ENTREP2: variants seen among roughly 807,000 people sequenced by gnomAD.
ENTREP2 encodes the protein protein ENTREP2.
chr15:29,530,489 C>T, the ENTREP2 span, among the ~76,000 whole-genome samples: 2 of 152,156 alleles, frequency 1.3e-5, no homozygotes, highest in Admixed American at 6.5e-5. Context: ...CACTAAGGTG[C>T]CCGGCACTGC....
the ENTREP2 span, among the ~76,000 whole-genome samples, chr15:29,632,731 A>G: frequency 1.3e-5 from 2 of 152,214 alleles, no homozygotes; most frequent in African/African-American, 4.8e-5. Flanking sequence ...GGTTGCAGTG[A>G]GCCGAGATCC....
the ENTREP2 span, among the ~76,000 whole-genome samples, chr15:29,440,418 T>A: frequency 6.6e-6 from 1 of 152,210 alleles, no homozygotes. Flanking sequence ...CATAGAATAG[T>A]ATGCATTGAT....
At chr15:29,344,328 A>G in the ENTREP2 span, among the ~76,000 whole-genome samples, 1 of 152,228 alleles carries the variant, frequency 6.6e-6, no homozygotes, top group Non-Finnish European at 1.5e-5. Context: ...ATGATGCATA[A>G]CAAGAGCTTC....
At chr15:29,464,756 CACA>C in the ENTREP2 span, among the ~76,000 whole-genome samples, 4 of 152,134 alleles carry the variant, frequency 2.6e-5, no homozygotes, top group African/African-American at 9.6e-5. Flanking sequence ...CCGCTCATGG[CACA>C]ACCTCGGAAA....
the ENTREP2 span, among the ~76,000 whole-genome samples, chr15:29,334,934 C>G: frequency 1.3e-5 from 2 of 152,184 alleles, no homozygotes; most frequent in East Asian, 3.9e-4. Flanking sequence ...TCTATCCCAG[C>G]CAGGCATGTG....
At chr15:29,151,759 A>G in the ENTREP2 span, 1 of 1,551,904 alleles carries the variant, frequency 6.4e-7, no homozygotes, top group Non-Finnish European at 8.7e-7. Flanking sequence ...GGAGGAGACC[A>G]TCTGCATACA....
the ENTREP2 span, among the ~76,000 whole-genome samples, chr15:29,466,773 C>T: frequency 0.025 from 3,030 of 121,852 alleles, 22 homozygotes; most frequent in Non-Finnish European, 0.031. Context: ...CGCTGCAGCC[C>T]CCAGGAGAGG....
the ENTREP2 span, among the ~76,000 whole-genome samples, chr15:29,364,032 C>A: frequency 1.1e-4 from 17 of 152,192 alleles, no homozygotes; most frequent in South Asian, 3.3e-3. Context: ...AGGATAAATG[C>A]AAAACCCTGG....
chr15:29,455,765 G>A, the ENTREP2 span, among the ~76,000 whole-genome samples: 4,529 of 152,272 alleles, frequency 0.03, 244 homozygotes, highest in African/African-American at 0.1. Flanking sequence ...ATTTACAGCT[G>A]CTCCCCACTG....
chr15:29,407,950 GATTAC>G, the ENTREP2 span, among the ~76,000 whole-genome samples: 1 of 152,094 alleles, frequency 6.6e-6, no homozygotes, highest in Non-Finnish European at 1.5e-5. Flanking sequence ...AAAGTGCTGG[GATTAC>G]AGGCCTGAGC....
At chr15:29,556,578 T>A in the ENTREP2 span, among the ~76,000 whole-genome samples, 2 of 152,140 alleles carry the variant, frequency 1.3e-5, no homozygotes, top group Admixed American at 6.5e-5. Context: ...CCAAGAATAA[T>A]AAAAACAGAT....
the ENTREP2 span, among the ~76,000 whole-genome samples, chr15:29,455,708 G>A: frequency 2.0e-5 from 3 of 152,280 alleles, no homozygotes; most frequent in Non-Finnish European, 2.9e-5. Flanking sequence ...GAATCAGGCC[G>A]CACTGCAGGA....
the ENTREP2 span, among the ~76,000 whole-genome samples, chr15:29,428,304 C>A: frequency 1.3e-5 from 2 of 152,242 alleles, no homozygotes; most frequent in South Asian, 4.1e-4. Context: ...ACCGCTGCCC[C>A]ATGGGTTCAA....
chr15:29,149,515 G>A, the ENTREP2 span, among the ~76,000 whole-genome samples: 126 of 152,120 alleles, frequency 8.3e-4, no homozygotes, highest in Non-Finnish European at 1.5e-3. Flanking sequence ...CTCAAGCCTC[G>A]GCCCACATGG....
the ENTREP2 span, among the ~76,000 whole-genome samples, chr15:29,310,006 T>G: frequency 6.6e-5 from 10 of 152,170 alleles, no homozygotes; most frequent in Admixed American, 5.2e-4. Flanking sequence ...CCATGTGACG[T>G]GGACTGAAGG....
chr15:29,347,965 G>C, the ENTREP2 span, among the ~76,000 whole-genome samples: 1 of 152,190 alleles, frequency 6.6e-6, no homozygotes, highest in Non-Finnish European at 1.5e-5. Flanking sequence ...AGGGCACAGA[G>C]AGTCAGGTGT....
the ENTREP2 span, chr15:29,266,953 G>T: frequency 6.6e-6 from 1 of 152,210 alleles, no homozygotes; most frequent in African/African-American, 2.4e-5. Flanking sequence ...TATTATACAG[G>T]TGAGAATGCG....
chr15:29,263,492 C>A, the ENTREP2 span, among the ~76,000 whole-genome samples: 1 of 152,138 alleles, frequency 6.6e-6, no homozygotes, highest in Non-Finnish European at 1.5e-5. Context: ...TTGGAGCCCA[C>A]GTGGGAAGCT....
At chr15:29,510,759 A>G in the ENTREP2 span, among the ~76,000 whole-genome samples, 1 of 149,794 alleles carries the variant, frequency 6.7e-6, no homozygotes, top group Non-Finnish European at 1.5e-5. Context: ...GTGAGCTGAG[A>G]TCATGCCGCC....
Sources: allele counts gnomAD v4.1 joint callset (sites outside exome capture counted in the v4.1 genomes callset), GRCh38; gene constraint gnomAD v4.1.1; transcripts MANE v1.5; gene names NCBI Gene and HGNC (gene_info 2026-07-23, HGNC 2026-07-21).